Variants in CHAF1A observed in about 807,000 individuals in gnomAD.
CHAF1A encodes CAF-1 subunit A.
A neutral mutation model predicts 93.2 loss-of-function variants in CHAF1A; 5 were observed. The observed-to-expected ratio is 0.05, with a 90% CI of 0.03 to 0.11. The LOEUF (loss-of-function observed/expected upper bound fraction) is 0.11, where lower values mean the gene tolerates loss of function less well. Among genes scored for constraint, CHAF1A ranks in the 10% least tolerant of loss-of-function variants. The probability of loss-of-function intolerance (pLI) is 1.00; values close to 1 mark genes in which losing one functional copy is unlikely to be tolerated. For missense variants in CHAF1A, 1,102 were observed against 1,259.9 expected, an observed-to-expected ratio of 0.87 and a Z score of 1.90; for synonymous variants, 504 against 510.3, an observed-to-expected ratio of 0.99 and a Z score of 0.17.
At chr19:4,415,035 T>C (rs1356868543) in intron 3 of CHAF1A, among the ~76,000 whole-genome samples, 1 of 152,176 alleles carries the variant, frequency 6.6e-6, no homozygotes, top group East Asian at 1.9e-4. Context: ...CCACACATAG[T>C]GAGCTCTGTC....
chr19:4,448,579 C>T (rs945800343), downstream of CHAF1A: 1 of 637,830 alleles, frequency 1.6e-6, no homozygotes. Context: ...TCCAAGACCG[C>T]AGCCCTGCCC....
chr19:4,445,719 C>G (rs139000566), downstream of CHAF1A: 328 of 1,536,240 alleles, frequency 2.1e-4, 2 homozygotes, highest in African/African-American at 4.1e-3. Context: ...ATGCCCCGGC[C>G]TGGAAGCCAT....
rs1181480353 is a variant in CHAF1A at position 4,429,588 on chromosome 19, C to A, written c.1755C>A (p.Asp585Glu). Residue 585 changes from aspartate to glutamate, a missense_variant, in exon 9 of 15, where the codon GAC (aspartate) becomes GAA (glutamate). Physicochemically the swap from Asp to Glu is conservative, Grantham distance 45. This residue lies in a region of CHAF1A where 335 missense variants were observed against 361.9 expected (regional missense o/e 0.93). Coordinates refer to ENST00000301280, the MANE Select transcript of CHAF1A (RefSeq NM_005483.3). ...AGACGGCACTCATCCGCGCGCGAGA[C>A]CCCTGGGCCCAGGACACGGTGAGCT... ...NKKTALIRAR[D>E]PWAQDTKLLD... 2 of 1,614,094 alleles carry A rather than the reference C, an allele frequency of 1.2e-6. No homozygotes were observed. Among genetic ancestry groups the A allele is most frequent in the Non-Finnish European group, 1.7e-6 (2 of 1,180,002 alleles).
At chr19:4,410,893 C>T (rs1421401431) in intron 3 of CHAF1A, among the ~76,000 whole-genome samples, 1 of 152,228 alleles carries the variant, frequency 6.6e-6, no homozygotes, top group Non-Finnish European at 1.5e-5. Flanking sequence ...TTTGCATGGT[C>T]TGTCTCTGTT....
chr19:4,447,527 C>CG (rs763440281), downstream of CHAF1A: 2 of 1,612,354 alleles, frequency 1.2e-6, no homozygotes, highest in East Asian at 4.5e-5. Flanking sequence ...GCCTGGGCCC[C>CG]GGGGGCCAGA....
chr19:4,441,715 A>G (rs894897835), intron 13 of CHAF1A, among the ~76,000 whole-genome samples: 1 of 151,828 alleles, frequency 6.6e-6, no homozygotes, highest in Middle Eastern at 3.4e-3. Flanking sequence ...GACCATCCGG[A>G]TAACACGATG....
At position 4,402,780 on chromosome 19, in the gene CHAF1A, G is replaced by A; in HGVS notation, c.18G>A (p.Glu6=). 1.7e-6 allele frequency: 2 copies of A among 1,205,226 alleles called. No individual in the cohort carries two copies. Among genetic ancestry groups the A allele is most frequent in the East Asian group, 3.4e-5 (1 of 29,182 alleles). 74.7% of individuals were successfully genotyped at this position (1,205,226 alleles called of 1,614,324 possible). A position where few individuals can be genotyped will look rare whatever the true frequency, so the allele number is the denominator to read the frequency against. Residue 6 remains glutamate (E), a synonymous_variant, in exon 1 of 15, where the codon GAG becomes GAA. Transcript: ENST00000301280. MLEEL[E]CGAPGARGAA... is the part of the protein sequence containing the mutation. Reference sequence around the variant, plus strand: ...CCGGGGCGATGCTGGAGGAGCTGGAGTGCGGGGCGCCCGGCGCCAGGGGAG... The same window carrying A: ...CCGGGGCGATGCTGGAGGAGCTGGAATGCGGGGCGCCCGGCGCCAGGGGAG...
At position 4,432,132 on chromosome 19, in the gene CHAF1A, T is replaced by C. The variant is rs1329705950; in HGVS notation, c.2128T>C (p.Cys710Arg). The C allele has an allele frequency of 2.5e-6, 4 of 1,613,442 alleles. No individual in the cohort carries two copies. The highest frequency in any genetic ancestry group is 1.7e-5 in the Admixed American group (1 of 59,972). The change falls in exon 12 of 15, where the codon TGC (cysteine) becomes CGC (arginine). Residue 710 changes from cysteine to arginine, a missense_variant. Around this residue, in one of 6 missense-constraint regions of CHAF1A, gnomAD observed 335 missense variants for 361.9 expected, o/e 0.93. Transcript: ENST00000301280. Reference sequence around the variant, plus strand: ...GAAGGTACTGCAGCAGTTCGCAGCCTGCTTCCTGGAGACCCTGCCGGCCCA... The same window carrying C: ...GAAGGTACTGCAGCAGTTCGCAGCCCGCTTCCTGGAGACCCTGCCGGCCCA... ...DLKVLQQFAA[C>R]FLETLPAQEE...
At position 4,433,431 on chromosome 19, in the gene CHAF1A, C is replaced by G. The variant is rs368694193; in HGVS notation, c.2565C>G (p.Ser855Arg). The G allele has an allele frequency of 2.5e-6, 4 of 1,609,738 alleles. No homozygotes were observed. The highest frequency in any genetic ancestry group is 3.4e-6 in the Non-Finnish European group (4 of 1,176,732). Reference protein sequence around the residue: ...VPSAPKEDSGSVPSTGPSQGT... With the variant: ...VPSAPKEDSGRVPSTGPSQGT... ...CGGCCCCCAAAGAGGACAGTGGCAG[C>G]GTCCCCTCCACGGGGCCCAGCCAGG... The change falls in exon 13 of 15, where the codon AGC becomes AGG. Residue 855 changes from serine (S) to arginine (R), a missense_variant. By Grantham distance (110) the Ser-to-Arg change is moderately radical (BLOSUM62 -1). Around this residue, in one of 6 missense-constraint regions of CHAF1A, gnomAD observed 76 missense variants for 129.8 expected, o/e 0.59. Transcript: ENST00000301280. The surrounding 1 kb of genome is among the most constrained non-coding windows in gnomAD (Gnocchi z 5.6).
Position 4,406,575 on chromosome 19 carries a change from C to T in CHAF1A, c.103+613C>T, listed in dbSNP as rs369828212. On this transcript the variant is annotated intron_variant, in intron 2 of 14. Transcript: ENST00000301280. The stretch of plus-strand genomic sequence containing the variant: ...TCAGCCTCCCAAGTAGCTGGGATTA[C>T]AGGCGCGTGCCACCACACCCAGCTA... Among the ~76,000 whole-genome samples the T allele has an allele frequency of 2.5e-4, 38 of 151,990 alleles. No homozygotes were observed. In the South Asian group the frequency reaches 5.4e-3, roughly 22 times the overall value.
chr19:4,419,186 G>A (rs1423029479), intron 4 of CHAF1A, among the ~76,000 whole-genome samples: 7 of 151,834 alleles, frequency 4.6e-5, no homozygotes, highest in Non-Finnish European at 8.8e-5. Flanking sequence ...GGCCGCAGGG[G>A]ACTTTTTACT....
intron 13 of CHAF1A, among the ~76,000 whole-genome samples, chr19:4,441,390 A>G (rs1272715649): frequency 1.3e-5 from 2 of 151,892 alleles, no homozygotes; most frequent in Admixed American, 1.3e-4. Context: ...TGGGTAGATC[A>G]TAAGGTCAGG....
At chr19:4,406,389 G>A (rs184749011) in intron 2 of CHAF1A, among the ~76,000 whole-genome samples, 235 of 152,226 alleles carry the variant, frequency 1.5e-3, no homozygotes, top group Non-Finnish European at 2.6e-3. Flanking sequence ...TGCATAAAAC[G>A]GGGAGTGTGT....
chr19:4,427,868 G>A (rs1288018465), intron 7 of CHAF1A, among the ~76,000 whole-genome samples: 5 of 151,594 alleles, frequency 3.3e-5, no homozygotes, highest in African/African-American at 9.7e-5. Flanking sequence ...AATTACAGGC[G>A]TGAGCCACCG....
chr19:4,435,433 C>G (rs1015194849), intron 13 of CHAF1A, among the ~76,000 whole-genome samples: 3 of 151,732 alleles, frequency 2.0e-5, no homozygotes, highest in African/African-American at 7.3e-5. Flanking sequence ...AGTGCAGTGG[C>G]GTGATCACCA....
At chr19:4,416,903 A>G (rs555451348) in intron 3 of CHAF1A, among the ~76,000 whole-genome samples, 2 of 152,286 alleles carry the variant, frequency 1.3e-5, no homozygotes, top group South Asian at 2.1e-4. Context: ...CTCAAAAATA[A>G]CATTAAAATA....
At chr19:4,450,758 C>CAAAAAAAAAA in the CHAF1A span, 3 of 43,800 alleles carry the variant, frequency 6.8e-5, no homozygotes, top group Admixed American at 4.2e-4. Context: ...GACTCTGTCT[C>CAAAAAAAAAA]AAAAAAAAAA....
downstream of CHAF1A, chr19:4,447,278 C>A (rs1019802735): frequency 1.4e-5 from 8 of 572,124 alleles, no homozygotes; most frequent in Non-Finnish European, 2.5e-5. Flanking sequence ...TCCCCAGAGT[C>A]GACATGTTCC....
rs753082600 is a variant in CHAF1A at position 4,433,518 on chromosome 19, G to A, written c.2652G>A (p.Lys884=). 35 of 1,583,028 alleles carry A rather than the reference G, an allele frequency of 2.2e-5. No individual in the cohort carries two copies. Among genetic ancestry groups the A allele is most frequent in the Non-Finnish European group, 2.2e-5 (26 of 1,155,784 alleles). ...AGSMCITQFM[K]KRRHDGQIGA... is the part of the protein sequence containing the mutation. ...GCATGTGCATCACCCAATTCATGAA[G>A]AAGCGCAGGCACGACGGCCAGGTGA... Residue 884 remains lysine, a synonymous_variant, in exon 13 of 15, where the codon AAG becomes AAA. Transcript: ENST00000301280. The surrounding 1 kb of genome is among the most constrained non-coding windows in gnomAD (Gnocchi z 5.6).
Sources: gnomAD v4.1 joint callset for allele counts (sites outside exome capture counted in the v4.1 genomes callset) on GRCh38, gnomAD v4.1.1 for gene constraint, gnomAD v4.1.1 regional missense constraint, Gnocchi (gnomAD v3.1) non-coding constraint, MANE v1.5 for transcripts, NCBI Gene and HGNC (gene_info 2026-07-23, HGNC 2026-07-21) for gene names.